The following PHF21A variants were observed in gnomAD, a reference collection of about 807,000 sequenced individuals.
PHF21A encodes BHC80a.
A neutral mutation model predicts 82.5 loss-of-function variants in PHF21A; 11 were observed. The ratio of observed to expected loss-of-function variants is 0.13; its 90% confidence interval spans 0.08 to 0.22. The LOEUF (loss-of-function observed/expected upper bound fraction) is 0.22, where lower values mean the gene tolerates loss of function less well. PHF21A is among the 10% of genes least tolerant of loss of function. PHF21A has a pLI of 1.00. For missense variants in PHF21A, 579 were observed against 837.8 expected (o/e 0.69, Z 3.81); for synonymous variants, 297 against 302.8 (o/e 0.98, Z 0.20).
intron 10 of PHF21A, among the ~76,000 whole-genome samples, chr11:45,960,989 CCA>C (rs1285662549): frequency 6.6e-6 from 1 of 152,156 alleles, no homozygotes; most frequent in Admixed American, 6.5e-5. Flanking sequence ...GTGCAGTTTG[CCA>C]CAGTTTCTTC....
intron 6 of PHF21A, among the ~76,000 whole-genome samples, chr11:45,997,004 A>G (rs971934297): frequency 1.3e-5 from 2 of 152,256 alleles, no homozygotes; most frequent in African/African-American, 4.8e-5. Context: ...TGGTACACCA[A>G]TTTATTCACC....
At chr11:46,073,511 T>C (rs1292248708) in intron 6 of PHF21A, among the ~76,000 whole-genome samples, 1 of 152,186 alleles carries the variant, frequency 6.6e-6, no homozygotes, top group Non-Finnish European at 1.5e-5. Context: ...ACGTAATTTA[T>C]TGTGGAGCAT....
chr11:46,110,817 GCT>G (rs1339642979), intron 1 of PHF21A, among the ~76,000 whole-genome samples: 2 of 142,472 alleles, frequency 1.4e-5, no homozygotes, highest in African/African-American at 5.4e-5. Flanking sequence ...ACAGAGTCTT[GCT>G]CTGTCTCCCA....
chr11:46,092,940 G>A (rs1438987864), intron 1 of PHF21A, among the ~76,000 whole-genome samples: 1 of 151,678 alleles, frequency 6.6e-6, no homozygotes, highest in East Asian at 1.9e-4. Context: ...TTTTTTTGTA[G>A]AGTCAGGCCT....
intron 1 of PHF21A, among the ~76,000 whole-genome samples, chr11:46,119,320 A>C (rs912949953): frequency 6.6e-6 from 1 of 152,230 alleles, no homozygotes. Context: ...TTCACTGTCA[A>C]GGCCAGGTGA....
rs75783582 is a variant in PHF21A, at chr11:46,062,139, T to C, written c.153+14615A>G. Among the ~76,000 whole-genome samples, 1,478 of 152,226 alleles carry C rather than the reference T, an allele frequency of 9.7e-3. 20 individuals carry two copies. Among genetic ancestry groups the C allele is most frequent in the Non-Finnish European group, 0.016 (1,093 of 68,000 alleles). ...AGCTTTTAGGATCTTTTATTCTTGT[T>C]TTGCTAAAGTTTCACCACGTTGTGC... On this transcript the variant is annotated intron_variant, in intron 6 of 18. Transcript: ENST00000676320.
At position 45,938,194 on chromosome 11, in the gene PHF21A, G is replaced by A. The variant is rs1312155854; in HGVS notation, c.1571C>T (p.Pro524Leu). The A allele has an allele frequency of 6.2e-7, 1 of 1,606,578 alleles. No homozygotes were observed. The highest frequency in any genetic ancestry group is 1.3e-5 in the African/African-American group (1 of 74,770). ...DCLDPPLKTIPKGMWICPRCQ... is the reference protein window; with the variant it reads ...DCLDPPLKTILKGMWICPRCQ... ...TCTGGGACAGATCCACATGCCCTTGGGAATTGTTTTCAGAGGGGGGTCTAA... is the reference window on the plus strand; with the variant it reads ...TCTGGGACAGATCCACATGCCCTTGAGAATTGTTTTCAGAGGGGGGTCTAA... Residue 524 changes from proline (P) to leucine (L), a missense_variant, in exon 16 of 19, where the codon CCC (proline) becomes CTC (leucine). Around this residue, in one of 3 missense-constraint regions of PHF21A, gnomAD observed 410 missense variants for 642.1 expected, o/e 0.64. Transcript: ENST00000676320.
intron 10 of PHF21A, among the ~76,000 whole-genome samples, chr11:45,954,538 G>T (rs1287493159): frequency 6.6e-6 from 1 of 151,882 alleles, no homozygotes; most frequent in Non-Finnish European, 1.5e-5. Flanking sequence ...ATTTTTCCAA[G>T]CCTCTTCTTC....
intron 1 of PHF21A, among the ~76,000 whole-genome samples, chr11:46,093,731 T>C (rs1414093446): frequency 6.6e-6 from 1 of 152,208 alleles, no homozygotes; most frequent in Non-Finnish European, 1.5e-5. Context: ...AGTCAATGAA[T>C]TGACTAAACA....
chr11:45,969,757 C>T, intron 9 of PHF21A, 58 bp downstream of exon 9: 1 of 1,152,480 alleles, frequency 8.7e-7, no homozygotes, highest in Non-Finnish European at 1.3e-6. Flanking sequence ...TTAGAAAGAG[C>T]CCATGAGGAT....
chr11:45,947,410 G>A (rs2091460122), intron 14 of PHF21A, among the ~76,000 whole-genome samples: 1 of 152,136 alleles, frequency 6.6e-6, no homozygotes. Context: ...TTTATATTAG[G>A]ATTATGCACA....
intron 6 of PHF21A, among the ~76,000 whole-genome samples, chr11:46,016,755 G>C (rs2095525133): frequency 6.6e-6 from 1 of 151,666 alleles, no homozygotes; most frequent in South Asian, 2.1e-4. Flanking sequence ...CCACTACCTG[G>C]AGCTTGGCAG....
chr11:46,078,962 G>A (rs1183315065), intron 5 of PHF21A, among the ~76,000 whole-genome samples, 172 bp downstream of exon 5: 2 of 151,850 alleles, frequency 1.3e-5, no homozygotes, highest in Non-Finnish European at 2.9e-5. Context: ...AAAATAGAAT[G>A]AATTTTTCTA....
intron 6 of PHF21A, among the ~76,000 whole-genome samples, chr11:45,988,133 C>G (rs1416837383): frequency 6.6e-6 from 1 of 152,198 alleles, no homozygotes; most frequent in Non-Finnish European, 1.5e-5. Context: ...TTTACCTACT[C>G]CAAGCCCTAG....
chr11:46,022,872 T>C (rs1426926278), intron 6 of PHF21A, among the ~76,000 whole-genome samples: 1 of 152,164 alleles, frequency 6.6e-6, no homozygotes, highest in Admixed American at 6.5e-5. Flanking sequence ...AACCTCCACC[T>C]CCTGAGTAGC....
chr11:45,993,145 G>C (rs1009098388), intron 6 of PHF21A, among the ~76,000 whole-genome samples: 1 of 152,078 alleles, frequency 6.6e-6, no homozygotes, highest in African/African-American at 2.4e-5. Context: ...TAATTTACAT[G>C]ATTAAGAAAA....
chr11:46,034,566 A>C (rs1474884799), intron 6 of PHF21A, among the ~76,000 whole-genome samples: 1 of 152,160 alleles, frequency 6.6e-6, no homozygotes, highest in Non-Finnish European at 1.5e-5. Context: ...AATCCACTTT[A>C]AATTTGTTTT....
chr11:45,952,315 C>T (rs1252631262), intron 11 of PHF21A, among the ~76,000 whole-genome samples: 3 of 152,160 alleles, frequency 2.0e-5, no homozygotes, highest in Admixed American at 6.5e-5. Context: ...CATCTCAGCT[C>T]GCTGCAGCCT....
intron 6 of PHF21A, among the ~76,000 whole-genome samples, chr11:46,006,430 A>C (rs1275038610): frequency 6.6e-6 from 1 of 152,246 alleles, no homozygotes; most frequent in Admixed American, 6.5e-5. Context: ...TAGTTTGAAT[A>C]AATCTGCCCT....
Sources: allele counts gnomAD v4.1 joint callset (sites outside exome capture counted in the v4.1 genomes callset), GRCh38; gene constraint gnomAD v4.1.1; regional missense constraint gnomAD v4.1.1; transcripts MANE v1.5; gene names NCBI Gene and HGNC (gene_info 2026-07-23, HGNC 2026-07-21).